Variants in FRAS1 observed in about 807,000 individuals in gnomAD.
FRAS1 encodes the protein extracellular matrix organizing protein FRAS1.
A neutral mutation model predicts 435.2 loss-of-function variants in FRAS1; 290 were observed. The observed-to-expected ratio is 0.67, with a 90% confidence interval of 0.61 to 0.73. The LOEUF is 0.73. Among genes scored for constraint, FRAS1 ranks in the 30% least tolerant of loss-of-function variants. The pLI is 0.00. For synonymous variants in FRAS1, 1,800 were observed against 1,851.0 expected (o/e 0.97, Z 0.71); for missense variants, 4,860 against 5,001.5 (o/e 0.97, Z 0.85).
intron 32 of FRAS1, among the ~76,000 whole-genome samples, chr4:78,414,651 A>C (rs1733480205): frequency 6.6e-6 from 1 of 152,236 alleles, no homozygotes; most frequent in Admixed American, 6.5e-5. Flanking sequence ...TTGTGAATGC[A>C]TATGGTAAAT....
At chr4:78,393,124 G>A (rs1262760591) in intron 29 of FRAS1, among the ~76,000 whole-genome samples, 1 of 151,506 alleles carries the variant, frequency 6.6e-6, no homozygotes, top group African/African-American at 2.4e-5. Flanking sequence ...AGGCATGGAA[G>A]CATCACCACT....
intron 2 of FRAS1, among the ~76,000 whole-genome samples, chr4:78,132,853 A>G (rs576667054): frequency 7.2e-5 from 11 of 152,250 alleles, no homozygotes; most frequent in African/African-American, 2.6e-4. Context: ...GGGAGATACT[A>G]GGGCCTGCAT....
Position 78,447,497 on chromosome 4 carries a change from CTGTTGGGCAT to C in FRAS1, c.6011-552_6011-543del, listed in dbSNP as rs1394158789. 9.2e-5 allele frequency among the ~76,000 whole-genome samples: 14 copies of C among 151,836 alleles called. No homozygotes were observed. The East Asian group carries it at 2.5e-3, about 27-fold the overall frequency. On this transcript the variant is annotated intron_variant, in intron 43 of 73. Transcript: ENST00000512123. ...GTAGATGAAGGGTTAATAGAAAAAA[CTGTTGGGCAT>C]TGTATTTTAGCTGGCTTCCATTCAC...
chr4:78,118,920 A>T (rs920597810), intron 2 of FRAS1, among the ~76,000 whole-genome samples: 17 of 152,258 alleles, frequency 1.1e-4, no homozygotes, highest in African/African-American at 4.1e-4. Flanking sequence ...TCACGCTGGG[A>T]GCTGTAGACT....
At chr4:78,484,915 T>A (rs7660569) in intron 58 of FRAS1, among the ~76,000 whole-genome samples, 34,784 of 152,204 alleles carry the variant, frequency 0.23, 4,619 homozygotes, top group African/African-American at 0.36. Flanking sequence ...GTAGAATCAG[T>A]GGCAATTTTA....
At chr4:78,135,429 T>G (rs1379775414) in intron 2 of FRAS1, among the ~76,000 whole-genome samples, 1 of 152,216 alleles carries the variant, frequency 6.6e-6, no homozygotes, top group Non-Finnish European at 1.5e-5. Context: ...GGACATCATT[T>G]GAAATTATTA....
rs775199363 is a variant in FRAS1, at chr4:78,308,158, T to C, written c.1627T>C (p.Cys543Arg). Residue 543 changes from cysteine to arginine, a missense_variant, in exon 15 of 74, where the codon TGT becomes CGT. Physicochemically the swap from Cys to Arg is radical, Grantham distance 180 (BLOSUM62 -3). Coordinates refer to ENST00000512123, the MANE Select transcript of FRAS1 (RefSeq NM_025074.7). Reference sequence around the variant, plus strand: ...CCTCCACGTGCTGAGAGATGGCGGCTGTGAGAGCAGCTGTGGAAAAGGCTT... The same window carrying C: ...CCTCCACGTGCTGAGAGATGGCGGCCGTGAGAGCAGCTGTGGAAAAGGCTT... ...DPLHVLRDGGCESSCGKGFYN... is the reference protein window; with the variant it reads ...DPLHVLRDGGRESSCGKGFYN... 2 of 1,613,944 alleles carry C rather than the reference T, an allele frequency of 1.2e-6. No homozygotes were observed. The highest frequency in any genetic ancestry group is 4.5e-5 in the East Asian group (2 of 44,880).
intron 47 of FRAS1, among the ~76,000 whole-genome samples, chr4:78,452,999 A>T (rs1719073103): frequency 6.6e-6 from 1 of 151,940 alleles, no homozygotes. Flanking sequence ...GGGTATACAG[A>T]ATTTGTATTC....
intron 57 of FRAS1, 127 bp downstream of exon 57, chr4:78,482,091 C>A: frequency 1.0e-6 from 1 of 996,872 alleles, no homozygotes; most frequent in Non-Finnish European, 1.5e-6. Context: ...TTTAAAAACA[C>A]ACATACATAA....
intron 2 of FRAS1, among the ~76,000 whole-genome samples, chr4:78,219,827 T>C (rs1319003486): frequency 1.3e-5 from 2 of 152,236 alleles, no homozygotes; most frequent in African/African-American, 4.8e-5. Context: ...AGTTAGTTCC[T>C]TTTGTTTTCT....
rs1355505728 is a variant in FRAS1 at position 78,239,668 on chromosome 4, A to G, written c.216+2051A>G. 2.0e-5 allele frequency among the ~76,000 whole-genome samples: 3 copies of G among 152,158 alleles called. No homozygotes were observed. The East Asian group carries it at 5.8e-4, about 29-fold the overall frequency. On this transcript the variant is annotated intron_variant, in intron 3 of 73. Coordinates refer to ENST00000512123, the MANE Select transcript of FRAS1 (RefSeq NM_025074.7). Reference sequence around the variant, plus strand: ...TGTTTTCTCCCTTGCTCACTGCTTCAGACACCAAGCCTCCTTGCTGTTCCC... The same window carrying G: ...TGTTTTCTCCCTTGCTCACTGCTTCGGACACCAAGCCTCCTTGCTGTTCCC...
At chr4:78,100,685 C>CT (rs1026314199) in intron 2 of FRAS1, among the ~76,000 whole-genome samples, 8 of 152,146 alleles carry the variant, frequency 5.3e-5, no homozygotes, top group Non-Finnish European at 1.0e-4. Context: ...GCACTCTGTG[C>CT]TTTTTTCACT....
intron 18 of FRAS1, among the ~76,000 whole-genome samples, chr4:78,321,755 G>T (rs1729515975): frequency 6.8e-6 from 1 of 147,914 alleles, no homozygotes; most frequent in South Asian, 2.1e-4. Flanking sequence ...TGAGGCAGGA[G>T]AATAGCTTGA....
intron 28 of FRAS1, among the ~76,000 whole-genome samples, 153 bp from the exon 29 acceptor site, chr4:78,387,222 C>T (rs1191069183): frequency 6.6e-6 from 1 of 152,130 alleles, no homozygotes; most frequent in African/African-American, 2.4e-5. Flanking sequence ...GTGACCACAC[C>T]TCTGACGAAT....
chr4:78,329,159 TC>T (rs2110252666), intron 18 of FRAS1, among the ~76,000 whole-genome samples: 1 of 152,360 alleles, frequency 6.6e-6, no homozygotes, highest in East Asian at 1.9e-4. Context: ...GTGTTAAGCC[TC>T]CTTACATGCT....
intron 27 of FRAS1, among the ~76,000 whole-genome samples, chr4:78,383,466 A>C (rs1322735622): frequency 6.6e-6 from 1 of 152,180 alleles, no homozygotes; most frequent in East Asian, 1.9e-4. Context: ...AGATGCTGAG[A>C]CTGACTGCTG....
At chr4:78,290,081 A>G (rs1727813469) in intron 14 of FRAS1, among the ~76,000 whole-genome samples, 1 of 152,188 alleles carries the variant, frequency 6.6e-6, no homozygotes, top group African/African-American at 2.4e-5. Context: ...CTGTGCACAC[A>G]AATCTTAGAT....
At chr4:78,503,941 C>T (rs1481948430) in intron 61 of FRAS1, among the ~76,000 whole-genome samples, 4 of 152,194 alleles carry the variant, frequency 2.6e-5, no homozygotes, top group Admixed American at 1.3e-4. Context: ...TTTCAAAGAA[C>T]ATCTTTATTT....
chr4:78,447,103 A>G (rs982014731), intron 43 of FRAS1, among the ~76,000 whole-genome samples: 2 of 151,000 alleles, frequency 1.3e-5, no homozygotes, highest in African/African-American at 4.9e-5. Flanking sequence ...TCTGAAGTTA[A>G]ATTTCAGCCG....
Sources: allele counts gnomAD v4.1 joint callset (sites outside exome capture counted in the v4.1 genomes callset), GRCh38; gene constraint gnomAD v4.1.1; transcripts MANE v1.5; gene names NCBI Gene and HGNC (gene_info 2026-07-23, HGNC 2026-07-21).